DAW1: variants seen among roughly 807,000 people sequenced by gnomAD.
The protein encoded by DAW1 is dynein assembly factor with WD repeat domains 1.
In DAW1, 47 loss-of-function variants were observed where a neutral mutation model predicts 56.5. The observed-to-expected ratio is 0.83, with a 90% CI of 0.66 to 1.06. The LOEUF is 1.06. DAW1 is among the 50% of genes least tolerant of loss of function. The pLI, the probability that DAW1 is intolerant of heterozygous loss-of-function variation, is 0.00. For synonymous variants in DAW1, 190 were observed against 179.0 expected, an observed-to-expected ratio of 1.06 and a Z score of -0.49; for missense variants, 505 against 499.3, an observed-to-expected ratio of 1.01 and a Z score of -0.11.
At chr2:227,923,194 T>G (rs918869850) in intron 12 of DAW1, among the ~76,000 whole-genome samples, 3 of 152,226 alleles carry the variant, frequency 2.0e-5, no homozygotes, top group Non-Finnish European at 4.4e-5. Flanking sequence ...GACACTTTTC[T>G]CTTGCCATCG....
In DAW1 at chr2:227,902,991, A is replaced by T. The variant is rs767092391; in HGVS notation, c.541-11A>T. 1 of 1,612,430 alleles carries T rather than the reference A, an allele frequency of 6.2e-7. No individual in the cohort carries two copies. On this transcript the variant is annotated splice_polypyrimidine_tract_variant and intron_variant, in intron 6 of 12. Transcript: ENST00000309931. The stretch of plus-strand genomic sequence containing the variant: ...GTCTTCCTAAAATTTCTCCCATTTT[A>T]TGTAATTTAGGTGTGTTTATCATTT...
chr2:227,914,959 A>G (rs556713636), intron 10 of DAW1, among the ~76,000 whole-genome samples: 2 of 152,178 alleles, frequency 1.3e-5, no homozygotes, highest in South Asian at 4.1e-4. Flanking sequence ...TTAACATACT[A>G]CATATATTGG....
intron 10 of DAW1, among the ~76,000 whole-genome samples, chr2:227,911,783 C>G (rs531234793): frequency 6.6e-6 from 1 of 152,288 alleles, no homozygotes; most frequent in East Asian, 1.9e-4. Flanking sequence ...ATCTTTCTGA[C>G]TACCACATAT....
chr2:227,921,325 T>G, intron 11 of DAW1, 74 bp from the exon 12 acceptor site: 1 of 761,518 alleles, frequency 1.3e-6, no homozygotes, highest in East Asian at 4.2e-5. Context: ...TTTTTTTTTT[T>G]TTTTTTTTGC....
intron 10 of DAW1, 62 bp downstream of exon 10, chr2:227,907,314 C>A: frequency 7.6e-7 from 1 of 1,322,524 alleles, no homozygotes; most frequent in Non-Finnish European, 1.1e-6. Context: ...GATAACCATG[C>A]ATAATTCTAC....
At chr2:227,904,886 T>G (rs1263418055) in intron 7 of DAW1, 43 bp from the exon 8 acceptor site, 1 of 1,528,644 alleles carries the variant, frequency 6.5e-7, no homozygotes, top group Non-Finnish European at 9.0e-7. Context: ...GCAGAAATTG[T>G]TTTATCTGCA....
chr2:227,900,032 T>G (rs1691501734), intron 6 of DAW1, among the ~76,000 whole-genome samples: 1 of 152,222 alleles, frequency 6.6e-6, no homozygotes, highest in Non-Finnish European at 1.5e-5. Flanking sequence ...TTGAAGTTAC[T>G]TTGCTAGTGA....
intron 4 of DAW1, among the ~76,000 whole-genome samples, chr2:227,893,269 C>CG (rs993953601): frequency 8.9e-6 from 1 of 112,466 alleles, no homozygotes; most frequent in Non-Finnish European, 1.8e-5. Flanking sequence ...GACTCTGTCT[C>CG]GGGGGTGGGG....
intron 10 of DAW1, among the ~76,000 whole-genome samples, chr2:227,908,515 C>A (rs1691739067): frequency 6.6e-6 from 1 of 152,098 alleles, no homozygotes; most frequent in African/African-American, 2.4e-5. Flanking sequence ...CCCATGACAA[C>A]CATATATGAT....
At chr2:227,911,504 A>G (rs1415506498) in intron 10 of DAW1, among the ~76,000 whole-genome samples, 1 of 151,586 alleles carries the variant, frequency 6.6e-6, no homozygotes, top group Non-Finnish European at 1.5e-5. Context: ...TCTGCCTGAC[A>G]ACTGCATATT....
chr2:227,893,659 G>C (rs1322319909), intron 4 of DAW1, 136 bp from the exon 5 acceptor site: 1 of 1,353,058 alleles, frequency 7.4e-7, no homozygotes, highest in African/African-American at 1.5e-5. Flanking sequence ...GTGACAGAGC[G>C]AGACTCCCTC....
At chr2:227,899,032 C>T (rs1212795213) in intron 6 of DAW1, among the ~76,000 whole-genome samples, 4 of 152,136 alleles carry the variant, frequency 2.6e-5, no homozygotes, top group South Asian at 2.1e-4. Context: ...GTCTGATACT[C>T]GAAACAGCTT....
chr2:227,907,611 G>A (rs568868889), intron 10 of DAW1, among the ~76,000 whole-genome samples: 7 of 152,156 alleles, frequency 4.6e-5, no homozygotes, highest in Admixed American at 3.3e-4. Flanking sequence ...GCAGTGGTGC[G>A]ATCTCGGCTC....
chr2:227,881,833 A>G (rs571256717), intron 1 of DAW1, among the ~76,000 whole-genome samples: 18 of 142,420 alleles, frequency 1.3e-4, no homozygotes, highest in East Asian at 4.1e-4. Context: ...TCTCACTGGA[A>G]CCTCCACCTC....
chr2:227,887,338 G>A (rs765306251), intron 2 of DAW1, among the ~76,000 whole-genome samples: 2 of 152,202 alleles, frequency 1.3e-5, no homozygotes, highest in Non-Finnish European at 2.9e-5. Context: ...GTTTGATGAT[G>A]CTAGCATGCA....
chr2:227,906,405 A>T (rs1559310738), intron 9 of DAW1, 67 bp downstream of exon 9: 1 of 1,003,180 alleles, frequency 1.0e-6, no homozygotes, highest in South Asian at 2.2e-5. Context: ...TCAGATATCC[A>T]TTGTAACATT....
intron 10 of DAW1, among the ~76,000 whole-genome samples, chr2:227,909,722 A>T (rs969970387): frequency 2.0e-5 from 3 of 152,156 alleles, no homozygotes; most frequent in Non-Finnish European, 4.4e-5. Context: ...AAGCTCGATG[A>T]CCGAGGGCCA....
At chr2:227,919,377 C>T (rs758523674) in intron 11 of DAW1, among the ~76,000 whole-genome samples, 3 of 152,064 alleles carry the variant, frequency 2.0e-5, no homozygotes, top group African/African-American at 7.2e-5. Flanking sequence ...TCTAAAACCT[C>T]TTAAAAAGTA....
chr2:227,922,747 G>A (rs1032873811), intron 12 of DAW1, among the ~76,000 whole-genome samples: 4 of 152,164 alleles, frequency 2.6e-5, no homozygotes, highest in African/African-American at 7.2e-5. Context: ...CAGGGCTTAC[G>A]ATCTTCAAAA....
Sources: gnomAD v4.1 joint callset for allele counts (sites outside exome capture counted in the v4.1 genomes callset) on GRCh38, gnomAD v4.1.1 for gene constraint, MANE v1.5 for transcripts, NCBI Gene and HGNC (gene_info 2026-07-23, HGNC 2026-07-21) for gene names.